Variants in ZNF726 observed in about 807,000 individuals in gnomAD.
ZNF726 encodes the protein zinc finger protein 92 pseudogene 3.
In ZNF726, 15 loss-of-function variants were observed where a neutral mutation model predicts 11.6. That is an observed-to-expected ratio of 1.29 (90% CI 0.86 to 1.99). The LOEUF (loss-of-function observed/expected upper bound fraction) is 1.99, where lower values mean the gene tolerates loss of function less well. ZNF726 is among the 30% of genes most tolerant of loss of function. The probability of loss-of-function intolerance (pLI) is 0.00; values close to 1 mark genes in which losing one functional copy is unlikely to be tolerated. For synonymous variants in ZNF726, 295 were observed against 243.6 expected, an observed-to-expected ratio of 1.21 and a Z score of -1.96; for missense variants, 890 against 725.6, an observed-to-expected ratio of 1.23 and a Z score of -2.60.
chr19:23,933,679 C>G lies in ZNF726; in HGVS notation c.1563C>G (p.Ser521=), dbSNP rs752053827. 2.5e-6 allele frequency: 4 copies of G among 1,612,124 alleles called. No individual in the cohort carries two copies. The Admixed American group carries it at 5.0e-5, about 20-fold the overall frequency. Residue 521 remains serine, a synonymous_variant, in exon 4 of 4, where the codon TCC becomes TCG. Transcript: ENST00000594466. ...CEECGKAFIL[S]STLSKHKRIH... ...AATGTGGCAAAGCATTTATATTGTC[C>G]TCGACCCTATCTAAACATAAGAGGA...
In ZNF726 at chr19:23,919,281, A is replaced by G. The variant is rs1599451398; in HGVS notation, c.4-92A>G. The G allele has an allele frequency of 7.1e-6, 11 of 1,555,254 alleles. No individual in the cohort carries two copies. The East Asian group carries it at 1.4e-4, about 20-fold the overall frequency. On this transcript the variant is annotated intron_variant, in intron 1 of 3. Transcript: ENST00000594466. ...CAGTCCCTCTTATAAGTTAGAATCA[A>G]TTCTATTCACTTTCTGATTTTACCT...
intron 3 of ZNF726, among the ~76,000 whole-genome samples, chr19:23,931,291 C>T (rs1039657644): frequency 6.6e-5 from 10 of 152,146 alleles, no homozygotes; most frequent in Admixed American, 2.0e-4. Context: ...AACTGAGCTT[C>T]TTTATTTTTA....
At chr19:23,938,757 G>A (rs560752731), downstream of ZNF726, among the ~76,000 whole-genome samples, 1 of 151,528 alleles carries the variant, frequency 6.6e-6, no homozygotes, top group African/African-American at 2.4e-5. Flanking sequence ...ACAGGTTCCC[G>A]CCACCAGCCC....
At chr19:23,928,574 A>G (rs1968037386) in intron 3 of ZNF726, 1 of 152,188 alleles carries the variant, frequency 6.6e-6, no homozygotes, top group South Asian at 2.1e-4. Flanking sequence ...TTACCAATAT[A>G]TACTACCAAT....
At chr19:23,928,683 T>A (rs1968039948) in intron 3 of ZNF726, 1 of 152,206 alleles carries the variant, frequency 6.6e-6, no homozygotes, top group Admixed American at 6.5e-5. Context: ...CTATGTAATT[T>A]TCAGCCTATT....
intron 3 of ZNF726, among the ~76,000 whole-genome samples, chr19:23,941,990 A>G (rs1485319534): frequency 6.7e-6 from 1 of 150,202 alleles, no homozygotes; most frequent in Non-Finnish European, 1.5e-5. Context: ...GATCATGGTT[A>G]TTTCCTTTTT....
At chr19:23,918,164 A>G (rs1288803361) in intron 1 of ZNF726, among the ~76,000 whole-genome samples, 2 of 152,216 alleles carry the variant, frequency 1.3e-5, no homozygotes, top group East Asian at 1.9e-4. Context: ...GTGGCTCCAT[A>G]CATAAGAACT....
chr19:23,915,355 C>T (rs1967672477), intron 1 of ZNF726, among the ~76,000 whole-genome samples: 3 of 152,166 alleles, frequency 2.0e-5, no homozygotes, highest in African/African-American at 7.2e-5. Flanking sequence ...AGCTTTGGTC[C>T]GTGGGGTTTT....
At chr19:23,926,295 C>G (rs1452629078) in intron 3 of ZNF726, among the ~76,000 whole-genome samples, 1 of 151,982 alleles carries the variant, frequency 6.6e-6, no homozygotes, top group Non-Finnish European at 1.5e-5. Context: ...TGGCTCATGC[C>G]TGTAATCCCA....
At chr19:23,922,756 C>A (rs1354634829) in intron 3 of ZNF726, among the ~76,000 whole-genome samples, 1 of 152,098 alleles carries the variant, frequency 6.6e-6, no homozygotes, top group Non-Finnish European at 1.5e-5. Context: ...GCTACATAAT[C>A]CAGGCAAGTC....
At chr19:23,936,697 TGAAA>T (rs1040358297), downstream of ZNF726, among the ~76,000 whole-genome samples, 3 of 147,076 alleles carry the variant, frequency 2.0e-5, no homozygotes, top group Non-Finnish European at 4.5e-5. Context: ...TGCATTATCA[TGAAA>T]GAAAAACTTT....
downstream of ZNF726, among the ~76,000 whole-genome samples, chr19:23,937,634 G>A (rs945020818): frequency 5.9e-5 from 9 of 151,520 alleles, no homozygotes; most frequent in African/African-American, 9.7e-5. Context: ...GATGGCGGCC[G>A]GGCAGAGATG....
intron 1 of ZNF726, 131 bp downstream of exon 1, chr19:23,915,128 CGGCCTCA>C: frequency 1.5e-6 from 2 of 1,377,322 alleles, no homozygotes; most frequent in Non-Finnish European, 2.0e-6. Context: ...TTGCCCAGCT[CGGCCTCA>C]GTCCCTTCAG....
intron 3 of ZNF726, among the ~76,000 whole-genome samples, chr19:23,941,537 A>C (rs1420897789): frequency 6.6e-6 from 1 of 152,130 alleles, no homozygotes; most frequent in African/African-American, 2.4e-5. Flanking sequence ...CTTGTGGAAC[A>C]ATGTCAAAAG....
downstream of ZNF726, among the ~76,000 whole-genome samples, chr19:23,938,082 C>G (rs1218185631): frequency 6.6e-6 from 1 of 152,118 alleles, no homozygotes; most frequent in Non-Finnish European, 1.5e-5. Flanking sequence ...TAACAATACA[C>G]TATTTGGTAA....
downstream of ZNF726, among the ~76,000 whole-genome samples, chr19:23,934,937 T>C (rs1968202684): frequency 6.6e-6 from 1 of 152,226 alleles, no homozygotes; most frequent in African/African-American, 2.4e-5. Flanking sequence ...GGGCATTTGC[T>C]TTATAAAGAG....
chr19:23,939,862 ATTTTT>A (rs374902806), intron 3 of ZNF726, among the ~76,000 whole-genome samples: 10 of 87,154 alleles, frequency 1.1e-4, no homozygotes, highest in African/African-American at 3.7e-4. Context: ...TTTTGATGGG[ATTTTT>A]TTTTTTTTTT....
intron 1 of ZNF726, chr19:23,919,110 CAT>C (rs1967776648): frequency 6.1e-6 from 2 of 330,250 alleles, no homozygotes; most frequent in African/African-American, 2.2e-5. Context: ...CAAAAATGTA[CAT>C]GTTAGTACAT....
chr19:23,942,878 G>A (rs914946501), intron 3 of ZNF726, among the ~76,000 whole-genome samples: 2 of 152,210 alleles, frequency 1.3e-5, no homozygotes, highest in Admixed American at 1.3e-4. Flanking sequence ...ACAGCAGATA[G>A]TTGGTGAGTT....
Sources: allele counts gnomAD v4.1 joint callset (sites outside exome capture counted in the v4.1 genomes callset), GRCh38; gene constraint gnomAD v4.1.1; transcripts MANE v1.5; gene names NCBI Gene and HGNC (gene_info 2026-07-23, HGNC 2026-07-21).